Variants in TAB2 observed in about 807,000 individuals in gnomAD.
TAB2 encodes TGF-beta-activated kinase 1 and MAP3K7-binding protein 2.
A neutral mutation model predicts 65.0 loss-of-function variants in TAB2; 3 were observed. That is an observed-to-expected ratio of 0.05 (90% CI 0.02 to 0.12). The LOEUF is 0.12. Among genes scored for constraint, TAB2 ranks in the 10% least tolerant of loss-of-function variants. The pLI, the probability that TAB2 is intolerant of heterozygous loss-of-function variation, is 1.00. For missense variants in TAB2, 623 were observed against 840.3 expected (o/e 0.74, Z 3.20); for synonymous variants, 298 against 285.1 (o/e 1.05, Z -0.46).
intron 1 of TAB2, among the ~76,000 whole-genome samples, chr6:149,310,794 T>A (rs1435261797): frequency 6.6e-6 from 1 of 152,352 alleles, no homozygotes; most frequent in East Asian, 1.9e-4. Flanking sequence ...CTTCACCGTT[T>A]TTGTTAATAG....
At chr6:149,389,719 A>G (rs1781922113) in intron 3 of TAB2, among the ~76,000 whole-genome samples, 1 of 151,680 alleles carries the variant, frequency 6.6e-6, no homozygotes, top group South Asian at 2.1e-4. Context: ...TGACTCATCC[A>G]AGTTATATTG....
chr6:149,339,597 A>AT (rs1160637055), intron 1 of TAB2, among the ~76,000 whole-genome samples: 25 of 35,778 alleles, frequency 7.0e-4, no homozygotes, highest in African/African-American at 1.1e-3. Flanking sequence ...TTATTTATTT[A>AT]TTTATTTATT....
Position 149,373,894 on chromosome 6 carries a change from T to A in TAB2, c.102+3795T>A, listed in dbSNP as rs578253062. The stretch of plus-strand genomic sequence containing the variant: ...CATGATAAGCTAGAACATCTTGTCA[T>A]ATCAGAAAGCAGAGAAGCTTTGAAA... On this transcript the variant is annotated intron_variant, in intron 2 of 6. Transcript: ENST00000637181. Among the ~76,000 whole-genome samples the A allele has an allele frequency of 2.0e-4, 30 of 152,304 alleles. No individual in the cohort carries two copies. In the South Asian group the frequency reaches 6.0e-3, roughly 30 times the overall value.
chr6:149,287,597 A>T (rs983553007), intron 1 of TAB2, among the ~76,000 whole-genome samples: 1 of 152,134 alleles, frequency 6.6e-6, no homozygotes. Flanking sequence ...CTGCTGATGT[A>T]TATATTAACT....
chr6:149,403,369 C>CACACAT (rs1240658329), intron 6 of TAB2, among the ~76,000 whole-genome samples: 100 of 127,174 alleles, frequency 7.9e-4, no homozygotes, highest in Admixed American at 1.4e-3. Context: ...CACACACACA[C>CACACAT]ACACATACAC....
At chr6:149,295,197 T>C (rs1778852904) in intron 1 of TAB2, among the ~76,000 whole-genome samples, 1 of 152,226 alleles carries the variant, frequency 6.6e-6, no homozygotes, top group South Asian at 2.1e-4. Flanking sequence ...TTAGTAGAGC[T>C]GCCGGTGAAG....
chr6:149,309,132 TAA>T (rs1245708840), intron 1 of TAB2, among the ~76,000 whole-genome samples: 2 of 152,224 alleles, frequency 1.3e-5, no homozygotes, highest in Non-Finnish European at 2.9e-5. Flanking sequence ...CAAAAGTTTT[TAA>T]ACTTCATGTA....
intron 1 of TAB2, among the ~76,000 whole-genome samples, chr6:149,300,621 A>C (rs1249824922): frequency 1.3e-5 from 2 of 152,266 alleles, no homozygotes; most frequent in East Asian, 3.9e-4. Context: ...TGCAGCATAA[A>C]CTTTTGTCAG....
chr6:149,343,979 A>G (rs1780209652), intron 1 of TAB2, among the ~76,000 whole-genome samples: 1 of 152,228 alleles, frequency 6.6e-6, no homozygotes. Flanking sequence ...AGGCAATCCT[A>G]ATATTCTAGC....
In TAB2 at chr6:149,232,601, C is replaced by T. The variant is rs150569974; in HGVS notation, c.-121+13825C>T. 2.5e-3 allele frequency among the ~76,000 whole-genome samples: 377 copies of T among 152,242 alleles called. 2 individuals are homozygous for T. The highest frequency in any genetic ancestry group is 8.6e-3 in the African/African-American group (357 of 41,530). Reference sequence around the variant, plus strand: ...ACTGAGGCAGGAACAAGGCCGATGACAGGAATACCACTAAGGGAGGCTATG... The same window carrying T: ...ACTGAGGCAGGAACAAGGCCGATGATAGGAATACCACTAAGGGAGGCTATG... On this transcript the variant is annotated intron_variant, in intron 1 of 1. Coordinates refer to the TAB2 transcript ENST00000606202.
chr6:149,285,565 T>C (rs7751002), intron 1 of TAB2, among the ~76,000 whole-genome samples: 70 of 152,342 alleles, frequency 4.6e-4, no homozygotes, highest in Middle Eastern at 3.4e-3. Context: ...AAGAGGGAGA[T>C]GGTTCTGAAA....
At chr6:149,325,006 C>G (rs1256227489) in intron 1 of TAB2, among the ~76,000 whole-genome samples, 1 of 151,740 alleles carries the variant, frequency 6.6e-6, no homozygotes, top group Admixed American at 6.6e-5. Flanking sequence ...CCTTTGTTGC[C>G]CAGGCTAGGA....
intron 3 of TAB2, chr6:149,379,991 G>A (rs961178844): frequency 2.2e-6 from 1 of 450,340 alleles, no homozygotes; most frequent in Admixed American, 2.4e-5. Context: ...TGTAATTCCA[G>A]TGCTTTGGGA....
intron 1 of TAB2, among the ~76,000 whole-genome samples, chr6:149,289,904 G>A (rs575697547): frequency 1.3e-5 from 2 of 152,240 alleles, no homozygotes; most frequent in South Asian, 2.1e-4. Flanking sequence ...GGGCGTGGGG[G>A]GCACAGTGGC....
chr6:149,367,447 T>C (rs1189420796), intron 1 of TAB2, among the ~76,000 whole-genome samples: 1 of 152,018 alleles, frequency 6.6e-6, no homozygotes, highest in Non-Finnish European at 1.5e-5. Context: ...CAGACTGCCA[T>C]TTTGAATTGA....
intron 1 of TAB2, among the ~76,000 whole-genome samples, chr6:149,307,178 G>A (rs1043415890): frequency 2.6e-5 from 4 of 152,074 alleles, no homozygotes; most frequent in African/African-American, 9.7e-5. Flanking sequence ...TTAGGCCCCC[G>A]AGTCTCACAA....
At chr6:149,364,909 T>C (rs1204795794) in intron 1 of TAB2, among the ~76,000 whole-genome samples, 4 of 151,890 alleles carry the variant, frequency 2.6e-5, no homozygotes, top group Non-Finnish European at 5.9e-5. Flanking sequence ...CATTAACCAG[T>C]GCCTAGTACT....
rs564879074 is a variant in TAB2, at chr6:149,240,844, C to T, written c.-121+22068C>T. Among the ~76,000 whole-genome samples the T allele has an allele frequency of 9.3e-4, 142 of 152,050 alleles. 1 individual carries two copies. Among genetic ancestry groups the T allele is most frequent in the African/African-American group, 3.2e-3 (133 of 41,460 alleles). ...TAGAGCTACAAATTTAATTATGACA[C>T]GTGTTATGGATTAAATGGTCATGCC... is the stretch of plus-strand genomic sequence containing the variant. On this transcript the variant is annotated intron_variant, in intron 1 of 1. Transcript: ENST00000606202.
intron 1 of TAB2, among the ~76,000 whole-genome samples, chr6:149,352,210 T>C (rs1184111304): frequency 1.3e-5 from 2 of 152,184 alleles, no homozygotes; most frequent in Non-Finnish European, 2.9e-5. Flanking sequence ...ACCTTCTTGA[T>C]AGTAAAAGAT....
Sources: allele counts gnomAD v4.1 joint callset (sites outside exome capture counted in the v4.1 genomes callset), GRCh38; gene constraint gnomAD v4.1.1; transcripts MANE v1.5; gene names NCBI Gene and HGNC (gene_info 2026-07-23, HGNC 2026-07-21).